The following ARFGEF1 variants were observed in gnomAD, a reference collection of about 807,000 sequenced individuals.
ARFGEF1 encodes brefeldin A-inhibited guanine nucleotide-exchange protein 1.
ARFGEF1 carries 42 observed loss-of-function variants against 231.0 expected under a neutral mutation model. The observed-to-expected ratio is 0.18, with a 90% CI of 0.14 to 0.24. ARFGEF1 has a LOEUF of 0.24. ARFGEF1 is among the 10% of genes least tolerant of loss of function. The probability of loss-of-function intolerance (pLI) is 1.00; values close to 1 mark genes in which losing one functional copy is unlikely to be tolerated. For synonymous variants in ARFGEF1, 710 were observed against 732.3 expected (o/e 0.97, Z 0.49); for missense variants, 1,345 against 2,192.0 (o/e 0.61, Z 7.72).
chr8:67,174,731 C>G (rs1228462130), downstream of ARFGEF1: 1 of 152,634 alleles, frequency 6.6e-6, no homozygotes, highest in Non-Finnish European at 1.4e-5. Flanking sequence ...TGCCACTGCA[C>G]TCCAGCCTGG....
At chr8:67,230,990 A>T (rs1351838262) in intron 23 of ARFGEF1, among the ~76,000 whole-genome samples, 1 of 152,076 alleles carries the variant, frequency 6.6e-6, no homozygotes, top group Non-Finnish European at 1.5e-5. Context: ...TAAAGAACTA[A>T]ACATACAAAA....
intron 1 of ARFGEF1, among the ~76,000 whole-genome samples, chr8:67,315,229 T>A (rs938859148): frequency 4.6e-5 from 7 of 152,108 alleles, no homozygotes; most frequent in African/African-American, 1.7e-4. Flanking sequence ...CCTAAATGTG[T>A]ATATAACAAA....
intron 5 of ARFGEF1, among the ~76,000 whole-genome samples, chr8:67,179,594 G>A (rs1255788021): frequency 2.0e-5 from 3 of 152,326 alleles, no homozygotes; most frequent in African/African-American, 7.2e-5. Flanking sequence ...GGGGCAGGAA[G>A]GAGTGGAGCT....
chr8:67,257,313 C>T (rs1840489890), intron 17 of ARFGEF1, among the ~76,000 whole-genome samples: 1 of 152,136 alleles, frequency 6.6e-6, no homozygotes. Flanking sequence ...CTCCTGGACT[C>T]ATGTGATCCG....
At chr8:67,343,047 T>G (rs1587362204) in intron 1 of ARFGEF1, 117 bp downstream of exon 1, 1 of 1,236,946 alleles carries the variant, frequency 8.1e-7, no homozygotes, top group East Asian at 2.6e-5. Flanking sequence ...CGCGAGGGCT[T>G]CCCGAGGTCA....
chr8:67,204,704 A>G lies in ARFGEF1; in HGVS notation c.4935T>C (p.Asp1645=), dbSNP rs768458173. Reference sequence around the variant, plus strand: ...CCTGTGCTGCAGCTAAGTTTTCTGCATCTTCTTTCTTACTTGTGGCTGGGA... The same window carrying G: ...CCTGTGCTGCAGCTAAGTTTTCTGCGTCTTCTTTCTTACTTGTGGCTGGGA... ...VFFPATSKKE[D]AENLAAAQRD... The change falls in exon 35 of 39, where the codon GAT becomes GAC. Residue 1645 remains aspartate, a synonymous_variant. Coordinates refer to ENST00000262215, the MANE Select transcript of ARFGEF1 (RefSeq NM_006421.5). 2 of 1,613,804 alleles carry G rather than the reference A, an allele frequency of 1.2e-6. No individual in the cohort carries two copies. The highest frequency in any genetic ancestry group is 2.2e-5 in the South Asian group (2 of 90,930).
At chr8:67,317,292 C>G (rs912209808) in intron 1 of ARFGEF1, among the ~76,000 whole-genome samples, 2 of 152,140 alleles carry the variant, frequency 1.3e-5, no homozygotes, top group Non-Finnish European at 2.9e-5. Context: ...ACAGGAACCC[C>G]TGAATTTGTA....
rs757970472 is a variant in ARFGEF1 at position 67,200,380 on chromosome 8, G to A, written c.5385+16C>T. ...GGGCTAGAAATGTGGGGCTGGATTC[G>A]AAGCCTCATACTTACCCTATTATCA... On this transcript the variant is annotated intron_variant, in intron 38 of 38. Coordinates refer to ENST00000262215, the MANE Select transcript of ARFGEF1 (RefSeq NM_006421.5). 1.3e-5 allele frequency: 19 copies of A among 1,509,440 alleles called. No homozygotes were observed. The highest frequency in any genetic ancestry group is 3.4e-5 in the South Asian group (3 of 88,794). The allele number at this position is 1,509,440 out of a possible 1,614,324, so 93.5% of individuals were successfully genotyped here.
At position 67,200,042 on chromosome 8, in the gene ARFGEF1, T is replaced by C. The variant is rs187540573; in HGVS notation, c.5385+354A>G. ...AGGAACCAGATGTAGTCTTGAGTAG[T>C]AGGCAGAGTACAAGGCCATGAGGTG... On this transcript the variant is annotated intron_variant, in intron 38 of 38. Coordinates refer to ENST00000262215, the MANE Select transcript of ARFGEF1 (RefSeq NM_006421.5). 7.0e-5 allele frequency: 25 copies of C among 354,824 alleles called. No individual in the cohort carries two copies. In the East Asian group the frequency reaches 1.8e-3, roughly 26 times the overall value. 22.0% of individuals were successfully genotyped at this position (354,824 alleles called of 1,614,324 possible).
intron 29 of ARFGEF1, among the ~76,000 whole-genome samples, chr8:67,220,364 G>C (rs1839105705): frequency 6.6e-6 from 1 of 152,178 alleles, no homozygotes; most frequent in African/African-American, 2.4e-5. Flanking sequence ...AAAAGTTTGA[G>C]AGTAAAACAG....
At chr8:67,318,236 CAA>C (rs1390006932) in intron 1 of ARFGEF1, among the ~76,000 whole-genome samples, 4 of 60,538 alleles carry the variant, frequency 6.6e-5, no homozygotes, top group African/African-American at 2.1e-4. Context: ...GACTCCGTCT[CAA>C]GAAAAAAAAA....
intron 10 of ARFGEF1, among the ~76,000 whole-genome samples, chr8:67,271,334 G>C (rs1353721327): frequency 6.6e-6 from 1 of 151,980 alleles, no homozygotes; most frequent in Non-Finnish European, 1.5e-5. Flanking sequence ...TAAAATAATG[G>C]AGATGCAATA....
rs552511951 is a variant in ARFGEF1 at position 67,271,600 on chromosome 8, T to C, written c.1572+102A>G. Reference sequence around the variant, plus strand: ...AAATAAGTGCATGGCAATATACAAATATTATTTCATTCTGGAGAACTTTGC... The same window carrying C: ...AAATAAGTGCATGGCAATATACAAACATTATTTCATTCTGGAGAACTTTGC... On this transcript the variant is annotated intron_variant, in intron 10 of 38. Transcript: ENST00000262215. 95 of 866,780 alleles carry C rather than the reference T, an allele frequency of 1.1e-4. 1 individual carries two copies. Among genetic ancestry groups the C allele is most frequent in the South Asian group, 1.0e-3 (57 of 55,632 alleles). 53.7% of individuals were successfully genotyped at this position (866,780 alleles called of 1,614,324 possible).
At position 67,228,055 on chromosome 8, in the gene ARFGEF1, G is replaced by GTAGA. The variant is rs1290777437; in HGVS notation, c.3495_3498dup (p.Gln1167SerfsTer31). 1 of 1,607,360 alleles carries GTAGA rather than the reference G, an allele frequency of 6.2e-7. No homozygotes were observed. The highest frequency in any genetic ancestry group is 1.7e-5 in the Admixed American group (1 of 58,026). On this transcript the variant is annotated frameshift_variant, in exon 25 of 39. Coordinates refer to ENST00000262215, the MANE Select transcript of ARFGEF1 (RefSeq NM_006421.5). LOFTEE classifies it high-confidence loss of function. ...TAATATGATATTTCTACTATTTTTTGTAGACTAAACATTCTTGGGTGTGTC... is the reference window on the plus strand; with the variant it reads ...TAATATGATATTTCTACTATTTTTTGTAGATAGACTAAACATTCTTGGGTGTGTC...
rs536688623 is a variant in ARFGEF1, at chr8:67,236,066, G to A, written c.3289+2277C>T. Among the ~76,000 whole-genome samples, 5 of 151,588 alleles carry A rather than the reference G, an allele frequency of 3.3e-5. No individual in the cohort carries two copies. In the South Asian group the frequency reaches 6.3e-4, roughly 19 times the overall value. On this transcript the variant is annotated intron_variant, in intron 22 of 38. Coordinates refer to ENST00000262215, the MANE Select transcript of ARFGEF1 (RefSeq NM_006421.5). ...TCCCAGCACTTTGGGACGCCAAGGC[G>A]GGCAGATCACATGAGGTCAGGAGTT...
intron 18 of ARFGEF1, among the ~76,000 whole-genome samples, chr8:67,252,137 T>G (rs1038652287): frequency 3.3e-5 from 5 of 151,988 alleles, no homozygotes; most frequent in Admixed American, 3.3e-4. Flanking sequence ...TCAGGTGTGG[T>G]GGCGCACGCC....
At chr8:67,286,295 C>T (rs1008889144) in intron 7 of ARFGEF1, among the ~76,000 whole-genome samples, 1 of 152,220 alleles carries the variant, frequency 6.6e-6, no homozygotes, top group South Asian at 2.1e-4. Flanking sequence ...AAAGGACACA[C>T]AGGTGTTCAC....
At chr8:67,190,867 C>T (rs562623429) in intron 5 of ARFGEF1, 49 of 769,584 alleles carry the variant, frequency 6.4e-5, no homozygotes, top group Admixed American at 1.9e-4. Flanking sequence ...GCTTGAAATT[C>T]AGACATGGGT....
chr8:67,251,939 A>C (rs1390144064), intron 18 of ARFGEF1, among the ~76,000 whole-genome samples: 1 of 152,318 alleles, frequency 6.6e-6, no homozygotes, highest in South Asian at 2.1e-4. Flanking sequence ...AAACAACCCA[A>C]ATATGGAATG....
Sources: gnomAD v4.1 joint callset for allele counts (sites outside exome capture counted in the v4.1 genomes callset) on GRCh38, gnomAD v4.1.1 for gene constraint, MANE v1.5 for transcripts, NCBI Gene and HGNC (gene_info 2026-07-23, HGNC 2026-07-21) for gene names.